The following PADI4 variants were observed in gnomAD, a reference collection of about 807,000 sequenced individuals.
PADI4 encodes the protein protein-arginine deiminase type-4.
In PADI4, 62 loss-of-function variants were observed where a neutral mutation model predicts 75.0. The ratio of observed to expected loss-of-function variants is 0.83; its 90% confidence interval spans 0.67 to 1.02. The LOEUF (loss-of-function observed/expected upper bound fraction) is 1.02. PADI4 is among the 50% of genes least tolerant of loss of function. PADI4 has a pLI of 0.00. For missense variants in PADI4, 845 were observed against 850.5 expected (o/e 0.99, Z 0.08); for synonymous variants, 361 against 348.1 (o/e 1.04, Z -0.41).
intron 1 of PADI4, among the ~76,000 whole-genome samples, chr1:17,322,094 C>T (rs918953972): frequency 6.6e-6 from 1 of 152,232 alleles, no homozygotes; most frequent in Non-Finnish European, 1.5e-5. Context: ...GAAGCAATTA[C>T]ATATGCATTT....
intron 15 of PADI4, among the ~76,000 whole-genome samples, chr1:17,361,447 A>C (rs985804401): frequency 4.6e-5 from 7 of 152,240 alleles, no homozygotes; most frequent in Non-Finnish European, 1.0e-4. Flanking sequence ...ACTCTCTCCC[A>C]GGAGCTGGCT....
In PADI4 at chr1:17,320,660, T is replaced by A. The variant is rs1032168716; in HGVS notation, c.93-10309T>A. ...ATGCTAATGTATTATAATTAGTGTA[T>A]AACGAGCAGTGAGGACGACCAGAAG... On this transcript the variant is annotated intron_variant, in intron 1 of 15. Transcript: ENST00000375448. Among the ~76,000 whole-genome samples, 12 of 152,178 alleles carry A rather than the reference T, an allele frequency of 7.9e-5. No homozygotes were observed. The South Asian group carries it at 2.5e-3, about 32-fold the overall frequency.
intron 1 of PADI4, among the ~76,000 whole-genome samples, chr1:17,313,498 CA>C (rs71014933): frequency 0.048 from 3,254 of 67,996 alleles, 12 homozygotes; most frequent in African/African-American, 0.056. Flanking sequence ...AAGACCTTGT[CA>C]AAAAAAAAAA....
At chr1:17,332,332 C>A (rs981537812) in intron 2 of PADI4, among the ~76,000 whole-genome samples, 1 of 152,170 alleles carries the variant, frequency 6.6e-6, no homozygotes. Flanking sequence ...CTGCAACCTC[C>A]GCCTCCTGGG....
chr1:17,347,136 C>T (rs1046216185), intron 9 of PADI4, among the ~76,000 whole-genome samples: 38 of 152,142 alleles, frequency 2.5e-4, no homozygotes, highest in Admixed American at 1.4e-3. Flanking sequence ...GGGGTTTCTC[C>T]GTGTTGGTCA....
At chr1:17,337,151 G>GTATT (rs144819181) in intron 4 of PADI4, among the ~76,000 whole-genome samples, 85,346 of 141,718 alleles carry the variant, frequency 0.6, 24,743 homozygotes, top group Non-Finnish European at 0.64. Context: ...ATGTATTTAT[G>GTATT]TATTTATTTA....
chr1:17,324,134 AC>A (rs2074079301), intron 1 of PADI4, among the ~76,000 whole-genome samples: 18 of 149,188 alleles, frequency 1.2e-4, no homozygotes, highest in Admixed American at 1.3e-4. Flanking sequence ...CTGGCTAATA[AC>A]ACCAAGTTGG....
At chr1:17,323,889 T>C (rs1459894935) in intron 1 of PADI4, among the ~76,000 whole-genome samples, 1 of 151,880 alleles carries the variant, frequency 6.6e-6, no homozygotes, top group African/African-American at 2.4e-5. Context: ...AAAAAACACA[T>C]GTAATCCTAA....
intron 1 of PADI4, among the ~76,000 whole-genome samples, chr1:17,322,170 C>T (rs1242715215): frequency 1.3e-5 from 2 of 152,124 alleles, no homozygotes; most frequent in Non-Finnish European, 2.9e-5. Flanking sequence ...AAGATAAGCT[C>T]TGTCCTTTGC....
intron 2 of PADI4, among the ~76,000 whole-genome samples, chr1:17,331,386 T>C (rs962703385): frequency 6.6e-6 from 1 of 152,160 alleles, no homozygotes; most frequent in Non-Finnish European, 1.5e-5. Context: ...AGTCAGTACC[T>C]AACACATGCC....
intron 10 of PADI4, among the ~76,000 whole-genome samples, chr1:17,351,609 C>T (rs1347512814): frequency 1.0e-5 from 1 of 98,026 alleles, no homozygotes; most frequent in African/African-American, 4.4e-5. Context: ...GACCTGGTCT[C>T]AAAAAAAAAA....
Position 17,355,497 on chromosome 1 carries a change from C to G in PADI4, c.1311-486C>G, listed in dbSNP as rs554665002. ...CCGGGAGGCGGAGGTTGTAGTGAGCCGAGATTGTGCCAGCCTGGGCAACAG... is the reference window on the plus strand; with the variant it reads ...CCGGGAGGCGGAGGTTGTAGTGAGCGGAGATTGTGCCAGCCTGGGCAACAG... On this transcript the variant is annotated intron_variant, in intron 11 of 15. Transcript: ENST00000375448. 4.0e-5 allele frequency among the ~76,000 whole-genome samples: 6 copies of G among 150,720 alleles called. No homozygotes were observed. The South Asian group carries it at 8.4e-4, about 21-fold the overall frequency.
chr1:17,319,707 C>A (rs1225618937), intron 1 of PADI4, among the ~76,000 whole-genome samples: 9 of 152,128 alleles, frequency 5.9e-5, no homozygotes, highest in Non-Finnish European at 8.8e-5. Flanking sequence ...CATGGTTGAA[C>A]AATATTTACG....
chr1:17,316,572 C>A (rs1389149359), intron 1 of PADI4, among the ~76,000 whole-genome samples: 1 of 151,450 alleles, frequency 6.6e-6, no homozygotes. Context: ...CGCCTGTAGT[C>A]CCAGCTACTT....
chr1:17,356,478 G>T lies in PADI4; in HGVS notation c.1558+19G>T. 2 of 1,448,594 alleles carry T rather than the reference G, an allele frequency of 1.4e-6. No individual in the cohort carries two copies. Among genetic ancestry groups the T allele is most frequent in the South Asian group, 2.3e-5 (2 of 86,898 alleles). The allele number at this position is 1,448,594 out of a possible 1,614,324, so 89.7% of individuals were successfully genotyped here. ...ATCAAGAGTAAGTCGGCCCTGCCTT[G>T]TTCTCCTGTCTGTGCACCTTCCTGC... is the stretch of plus-strand genomic sequence containing the variant. On this transcript the variant is annotated intron_variant, in intron 13 of 15. Transcript: ENST00000375448. The surrounding 1 kb of genome is among the most constrained non-coding windows in gnomAD (Gnocchi z 4.1).
chr1:17,308,770 G>C (rs1309685354), intron 1 of PADI4, among the ~76,000 whole-genome samples: 1 of 21,198 alleles, frequency 4.7e-5, no homozygotes, highest in South Asian at 0.024. Context: ...ATGGCGAAAC[G>C]GGGCTCTGTG....
chr1:17,336,325 C>A, intron 4 of PADI4, 99 bp downstream of exon 4: 2 of 776,656 alleles, frequency 2.6e-6, no homozygotes, highest in East Asian at 5.1e-5. Context: ...CCACGTATTC[C>A]GTGTTAACTG....
chr1:17,337,518 T>C (rs1227544582), intron 4 of PADI4, among the ~76,000 whole-genome samples: 4 of 152,210 alleles, frequency 2.6e-5, no homozygotes, highest in African/African-American at 4.8e-5. Flanking sequence ...GAATTGTGTT[T>C]TGGGTGAATT....
rs983388988 is a variant in PADI4, at chr1:17,317,070, A to G, written c.92+8756A>G. ...CTTCATTTGTAGAAGGGGAACTCCA[A>G]TAGTACGTATGTCGCAGAGTTGTCA... On this transcript the variant is annotated intron_variant, in intron 1 of 15. Transcript: ENST00000375448. Among the ~76,000 whole-genome samples, 7 of 152,246 alleles carry G rather than the reference A, an allele frequency of 4.6e-5. No homozygotes were observed. The East Asian group carries it at 7.7e-4, about 17-fold the overall frequency.
Sources: gnomAD v4.1 joint callset for allele counts (sites outside exome capture counted in the v4.1 genomes callset) on GRCh38, gnomAD v4.1.1 for gene constraint, Gnocchi (gnomAD v3.1) non-coding constraint, MANE v1.5 for transcripts, NCBI Gene and HGNC (gene_info 2026-07-23, HGNC 2026-07-21) for gene names.